UBE3D: variants seen among roughly 807,000 people sequenced by gnomAD.
The protein encoded by UBE3D is E3 ubiquitin-protein ligase E3D.
In UBE3D, 48 loss-of-function variants were observed where a neutral mutation model predicts 49.6. The ratio of observed to expected loss-of-function variants is 0.97; its 90% CI spans 0.77 to 1.23. The LOEUF (loss-of-function observed/expected upper bound fraction) is 1.23. Ranked by LOEUF, UBE3D falls within the 50% of genes most tolerant of loss-of-function variation. UBE3D has a pLI of 0.00. For missense variants in UBE3D, 452 were observed against 468.4 expected, an observed-to-expected ratio of 0.96 and a Z score of 0.32; for synonymous variants, 189 against 174.2, an observed-to-expected ratio of 1.08 and a Z score of -0.67.
At chr6:83,008,759 A>T (rs1780155027) in intron 8 of UBE3D, among the ~76,000 whole-genome samples, 1 of 152,234 alleles carries the variant, frequency 6.6e-6, no homozygotes, top group African/African-American at 2.4e-5. Context: ...CAGGAAGTCT[A>T]CAGCTTGTTC....
the UBE3D span, among the ~76,000 whole-genome samples, chr6:82,881,762 C>T: frequency 6.6e-6 from 1 of 152,156 alleles, no homozygotes; most frequent in Non-Finnish European, 1.5e-5. Flanking sequence ...TCTGGAATCA[C>T]ATAATATTTC....
chr6:82,987,734 G>T (rs1257678514), intron 8 of UBE3D, among the ~76,000 whole-genome samples: 2 of 152,146 alleles, frequency 1.3e-5, no homozygotes, highest in Non-Finnish European at 2.9e-5. Flanking sequence ...GTAAAGAACA[G>T]AAAAGCTCAC....
chr6:82,996,061 T>C (rs991011535), intron 8 of UBE3D, among the ~76,000 whole-genome samples: 8 of 151,938 alleles, frequency 5.3e-5, no homozygotes, highest in Non-Finnish European at 1.2e-4. Context: ...CAAGACTCCA[T>C]CTCAAAAAAG....
downstream of UBE3D, among the ~76,000 whole-genome samples, chr6:82,891,631 C>T (rs185107878): frequency 6.6e-6 from 1 of 152,304 alleles, no homozygotes; most frequent in East Asian, 1.9e-4. Context: ...GAGTGCCATA[C>T]CACTGCTTTG....
intron 9 of UBE3D, among the ~76,000 whole-genome samples, chr6:82,931,513 A>G (rs1774152726): frequency 6.6e-6 from 1 of 152,250 alleles, no homozygotes. Context: ...CCACAGGGAC[A>G]GAGCTGCCCA....
Position 82,892,782 on chromosome 6 carries a change from A to C in UBE3D, c.*240T>G, listed in dbSNP as rs1414457372. The C allele has an allele frequency of 2.0e-6, 1 of 512,432 alleles. No homozygotes were observed. Among genetic ancestry groups the C allele is most frequent in the African/African-American group, 1.9e-5 (1 of 51,496 alleles). 31.7% of individuals were successfully genotyped at this position (512,432 alleles called of 1,614,324 possible). ...TGGGAAATAGAGATGTAACTTCTACACTTGCCTCAACCTGCTACTATGACT... is the reference window on the plus strand; with the variant it reads ...TGGGAAATAGAGATGTAACTTCTACCCTTGCCTCAACCTGCTACTATGACT... On this transcript the variant is annotated 3_prime_UTR_variant, in exon 10 of 10. Coordinates refer to ENST00000369747, the MANE Select transcript of UBE3D (RefSeq NM_198920.3).
intron 8 of UBE3D, among the ~76,000 whole-genome samples, chr6:83,010,937 G>A (rs937938947): frequency 6.6e-6 from 1 of 151,978 alleles, no homozygotes; most frequent in African/African-American, 2.4e-5. Context: ...TCAATACTTT[G>A]CATCCAGTCA....
At chr6:83,042,054 C>T (rs1582725221) in intron 4 of UBE3D, among the ~76,000 whole-genome samples, 1 of 152,154 alleles carries the variant, frequency 6.6e-6, no homozygotes, top group African/African-American at 2.4e-5. Flanking sequence ...GGACTACAGG[C>T]CCCCGCCACC....
intron 8 of UBE3D, among the ~76,000 whole-genome samples, chr6:83,004,570 G>A (rs1241546926): frequency 1.3e-5 from 2 of 152,128 alleles, no homozygotes; most frequent in African/African-American, 2.4e-5. Flanking sequence ...GTGGGAAGTG[G>A]AATAAACACT....
intron 8 of UBE3D, among the ~76,000 whole-genome samples, chr6:83,015,945 C>A (rs1309984533): frequency 3.3e-5 from 5 of 152,138 alleles, no homozygotes; most frequent in Non-Finnish European, 7.4e-5. Flanking sequence ...AGCTCAGTGT[C>A]CCCAGCTTCA....
rs966249769 is a variant in UBE3D at position 82,939,846 on chromosome 6, C to A, written c.1149+17466G>T. Among the ~76,000 whole-genome samples, 5 of 152,250 alleles carry A rather than the reference C, an allele frequency of 3.3e-5. No individual in the cohort carries two copies. In the South Asian group the frequency reaches 6.2e-4, roughly 19 times the overall value. ...AAAAAATTAACTTACTAAACACAAC[C>A]AAACAAAACAAGAAACATAATTATA... On this transcript the variant is annotated intron_variant, in intron 9 of 9. Transcript: ENST00000369747.
chr6:82,891,039 T>G (rs1157410758), downstream of UBE3D, among the ~76,000 whole-genome samples: 1 of 152,042 alleles, frequency 6.6e-6, no homozygotes, highest in African/African-American at 2.4e-5. Context: ...CATTCACCAC[T>G]AATGTATTCA....
chr6:82,929,548 A>T (rs1252426936), intron 9 of UBE3D, among the ~76,000 whole-genome samples: 3 of 150,196 alleles, frequency 2.0e-5, no homozygotes, highest in African/African-American at 4.9e-5. Context: ...TAAGTACTTT[A>T]GTGGGTTTTT....
At chr6:82,985,153 C>T (rs1392390036) in intron 8 of UBE3D, among the ~76,000 whole-genome samples, 2 of 151,096 alleles carry the variant, frequency 1.3e-5, no homozygotes, top group African/African-American at 4.9e-5. Context: ...TGCCTGGCCT[C>T]GTAGTTATTC....
intron 8 of UBE3D, among the ~76,000 whole-genome samples, chr6:83,010,054 G>A (rs550173620): frequency 7.9e-5 from 12 of 151,970 alleles, no homozygotes; most frequent in Middle Eastern, 6.8e-3. Context: ...TCCAACATAG[G>A]AGGAGGTTGG....
At chr6:83,030,583 C>T (rs137901144) in intron 5 of UBE3D, among the ~76,000 whole-genome samples, 9 of 152,226 alleles carry the variant, frequency 5.9e-5, no homozygotes, top group African/African-American at 1.7e-4. Context: ...AGCATGAGAA[C>T]GGACTAATAC....
intron 8 of UBE3D, among the ~76,000 whole-genome samples, chr6:82,982,069 T>A (rs1778152324): frequency 6.6e-6 from 1 of 152,164 alleles, no homozygotes; most frequent in African/African-American, 2.4e-5. Context: ...AAAAAAGTTT[T>A]ATCAAAAATT....
At chr6:83,060,332 T>A (rs1005053443) in intron 1 of UBE3D, among the ~76,000 whole-genome samples, 1 of 152,112 alleles carries the variant, frequency 6.6e-6, no homozygotes, top group African/African-American at 2.4e-5. Context: ...ATTCTCACTG[T>A]GGGAGAATGG....
At chr6:82,973,771 G>A (rs753088040) in intron 8 of UBE3D, among the ~76,000 whole-genome samples, 1 of 152,182 alleles carries the variant, frequency 6.6e-6, no homozygotes, top group Non-Finnish European at 1.5e-5. Context: ...TGGCCTGTGA[G>A]CCAAGCAGGC....
Sources: gnomAD v4.1 joint callset for allele counts (sites outside exome capture counted in the v4.1 genomes callset) on GRCh38, gnomAD v4.1.1 for gene constraint, MANE v1.5 for transcripts, NCBI Gene and HGNC (gene_info 2026-07-23, HGNC 2026-07-21) for gene names.